Variants in LZTS1 observed in about 807,000 individuals in gnomAD.
LZTS1 encodes the protein leucine zipper tumor suppressor 1.
LZTS1 carries 31 observed loss-of-function variants against 45.8 expected under a neutral mutation model. The observed-to-expected ratio is 0.68, with a 90% CI of 0.51 to 0.91. LZTS1 has a LOEUF of 0.91. Ranked by LOEUF, LZTS1 falls within the 40% of genes least tolerant of loss-of-function variation. The pLI is 0.00. For synonymous variants in LZTS1, 359 were observed against 357.3 expected (o/e 1.00, Z -0.05); for missense variants, 821 against 788.9 (o/e 1.04, Z -0.49).
rs781638695 is a variant in LZTS1 at position 20,249,772 on chromosome 8, G to C, written c.1741C>G (p.Leu581Val). ...TCGTAGGGGATGTCAGCCCCTTCCAGGTCAACCTCCAAGGGCTCCCCGGCG... is the reference window on the plus strand; with the variant it reads ...TCGTAGGGGATGTCAGCCCCTTCCACGTCAACCTCCAAGGGCTCCCCGGCG... ...DSAGEPLEVD[L>V]EGADIPYEDI... Residue 581 changes from leucine to valine, a missense_variant, in exon 4 of 4, where the codon CTG (leucine) becomes GTG (valine). By Grantham distance (32) the Leu-to-Val change is conservative. Coordinates refer to ENST00000381569, the MANE Select transcript of LZTS1 (RefSeq NM_021020.5). 1.9e-6 allele frequency: 3 copies of C among 1,613,232 alleles called. No individual in the cohort carries two copies. Among genetic ancestry groups the C allele is most frequent in the African/African-American group, 1.3e-5 (1 of 75,060 alleles).
chr8:20,255,369 G>A (rs1294338254), intron 1 of LZTS1, 54 bp from the exon 2 acceptor site: 6 of 1,296,316 alleles, frequency 4.6e-6, no homozygotes, highest in Non-Finnish European at 4.1e-6. Context: ...TCACAGCACA[G>A]TGCTGATTCC....
chr8:20,259,015 G>A (rs926767548), intron 1 of LZTS1, among the ~76,000 whole-genome samples: 8 of 152,086 alleles, frequency 5.3e-5, no homozygotes, highest in African/African-American at 1.2e-4. Context: ...CCTATGGGGC[G>A]AAAATACTAC....
At chr8:20,274,431 T>G (rs1234773039) in intron 1 of LZTS1, among the ~76,000 whole-genome samples, 2 of 152,134 alleles carry the variant, frequency 1.3e-5, no homozygotes, top group Non-Finnish European at 2.9e-5. Flanking sequence ...CTAGGTAGCT[T>G]GGAGCATAGC....
chr8:20,254,155 A>G (rs1001184254), intron 2 of LZTS1, among the ~76,000 whole-genome samples: 1 of 152,192 alleles, frequency 6.6e-6, no homozygotes, highest in Non-Finnish European at 1.5e-5. Flanking sequence ...CTTTCCTAGT[A>G]AATCAAAGCC....
At chr8:20,260,376 T>C (rs2128894140) in intron 1 of LZTS1, among the ~76,000 whole-genome samples, 1 of 152,150 alleles carries the variant, frequency 6.6e-6, no homozygotes, top group African/African-American at 2.4e-5. Context: ...CTAGAGCTCC[T>C]AGAACAAAAA....
chr8:20,273,612 A>G (rs1489941519), intron 1 of LZTS1, among the ~76,000 whole-genome samples: 2 of 152,024 alleles, frequency 1.3e-5, no homozygotes, highest in African/African-American at 2.4e-5. Flanking sequence ...CAAACCAGGA[A>G]CTTTTGATTC....
At chr8:20,251,611 T>A (rs1395747525) in intron 3 of LZTS1, among the ~76,000 whole-genome samples, 2 of 152,166 alleles carry the variant, frequency 1.3e-5, no homozygotes, top group African/African-American at 4.8e-5. Context: ...TTTTCATCAT[T>A]GCTCTTGGCC....
At chr8:20,257,771 A>G (rs4922143) in intron 1 of LZTS1, among the ~76,000 whole-genome samples, 126,886 of 151,380 alleles carry the variant, frequency 0.84, 53,386 homozygotes, top group East Asian at 0.94. Context: ...GCGGGTTCAA[A>G]TGATTCTCCC....
At chr8:20,269,703 C>A (rs1378594442) in intron 1 of LZTS1, among the ~76,000 whole-genome samples, 2 of 152,186 alleles carry the variant, frequency 1.3e-5, no homozygotes, top group African/African-American at 4.8e-5. Context: ...AGGTTGACAC[C>A]TGGTTAGCCT....
At chr8:20,267,399 G>A (rs964136944) in intron 1 of LZTS1, among the ~76,000 whole-genome samples, 4 of 152,158 alleles carry the variant, frequency 2.6e-5, no homozygotes, top group African/African-American at 9.7e-5. Context: ...CCTCACTCCT[G>A]CTCTGGGACA....
At chr8:20,277,440 G>A (rs1274841089) in intron 1 of LZTS1, among the ~76,000 whole-genome samples, 2 of 152,162 alleles carry the variant, frequency 1.3e-5, no homozygotes, top group Admixed American at 1.3e-4. Flanking sequence ...TGCCTATGGA[G>A]TAGCCATTCT....
intron 1 of LZTS1, among the ~76,000 whole-genome samples, chr8:20,280,131 C>T (rs1001427222): frequency 2.6e-5 from 4 of 152,044 alleles, no homozygotes; most frequent in Non-Finnish European, 5.9e-5. Flanking sequence ...GCTCTTATTC[C>T]CTTAGGTACC....
chr8:20,260,322 T>C (rs1402530751), intron 1 of LZTS1, among the ~76,000 whole-genome samples: 1 of 152,162 alleles, frequency 6.6e-6, no homozygotes, highest in African/African-American at 2.4e-5. Context: ...TTAGGGTTTA[T>C]TGTGTGTATC....
chr8:20,292,186 C>G (rs1800911255), intron 1 of LZTS1, among the ~76,000 whole-genome samples: 1 of 152,252 alleles, frequency 6.6e-6, no homozygotes, highest in South Asian at 2.1e-4. Flanking sequence ...AGATGCTGTT[C>G]TGAGAGTTTC....
chr8:20,268,213 T>C (rs1326132124), intron 1 of LZTS1, among the ~76,000 whole-genome samples: 2 of 92,528 alleles, frequency 2.2e-5, no homozygotes, highest in African/African-American at 8.2e-5. Context: ...CCTCTGGGCC[T>C]CCAGGAGGGC....
intron 1 of LZTS1, among the ~76,000 whole-genome samples, chr8:20,302,484 C>T (rs924123168): frequency 6.6e-6 from 1 of 152,186 alleles, no homozygotes; most frequent in African/African-American, 2.4e-5. Flanking sequence ...TGCAAACACC[C>T]TCTTGCCGGT....
chr8:20,282,936 T>C (rs140847035), intron 1 of LZTS1, among the ~76,000 whole-genome samples: 2 of 152,288 alleles, frequency 1.3e-5, no homozygotes, highest in African/African-American at 4.8e-5. Flanking sequence ...CCACTGGATA[T>C]TTCAAGAATA....
chr8:20,290,011 G>A (rs1800872545), intron 1 of LZTS1: 1 of 152,120 alleles, frequency 6.6e-6, no homozygotes, highest in Admixed American at 6.5e-5. Flanking sequence ...ATATCTCCTG[G>A]AGCACTCCTG....
chr8:20,250,805 G>T (rs539564490), intron 3 of LZTS1, among the ~76,000 whole-genome samples: 2 of 151,740 alleles, frequency 1.3e-5, no homozygotes, highest in African/African-American at 4.8e-5. Context: ...CCTCATGTTG[G>T]CCAGGCTGAT....
Sources: allele counts gnomAD v4.1 joint callset (sites outside exome capture counted in the v4.1 genomes callset), GRCh38; gene constraint gnomAD v4.1.1; transcripts MANE v1.5; gene names NCBI Gene and HGNC (gene_info 2026-07-23, HGNC 2026-07-21).